NBEAL2: variants seen among roughly 807,000 people sequenced by gnomAD.
NBEAL2 encodes neurobeachin-like protein 2.
Under a neutral mutation model 299.8 loss-of-function variants are expected in NBEAL2, and 160 were observed. The observed-to-expected ratio is 0.53, with a 90% CI of 0.47 to 0.61. The LOEUF is 0.61. Ranked by LOEUF, NBEAL2 falls within the 20% of genes least tolerant of loss-of-function variation. NBEAL2 has a pLI of 0.00. For missense variants in NBEAL2, 3,112 were observed against 3,649.0 expected (o/e 0.85, Z 3.79); for synonymous variants, 1,493 against 1,542.3 (o/e 0.97, Z 0.75).
At position 47,004,627 on chromosome 3, in the gene NBEAL2, CT is replaced by C; in HGVS notation, c.6294+38del. On this transcript the variant is annotated intron_variant, in intron 38 of 53. Coordinates refer to ENST00000450053, the MANE Select transcript of NBEAL2 (RefSeq NM_015175.3). This position sits in a 1 kb window ranked among gnomAD's most constrained non-coding sequence, Gnocchi z 5.0. ...ACTCTGCACCCCTCCACCCCTGCCC[CT>C]CTGACCTGTCAGCCCTTGGTTCCCC... 6.3e-7 allele frequency: 1 copy of C among 1,591,074 alleles called. No individual in the cohort carries two copies. The highest frequency in any genetic ancestry group is 8.6e-7 in the Non-Finnish European group (1 of 1,159,880).
rs1307560883 is a variant in NBEAL2 at position 46,988,017 on chromosome 3, G to C, written c.52-652G>C. The C allele has an allele frequency of 1.6e-6, 2 of 1,279,220 alleles. No homozygotes were observed. The highest frequency in any genetic ancestry group is 2.0e-6 in the Non-Finnish European group (2 of 983,858). The allele number at this position is 1,279,220 out of a possible 1,614,324, so 79.2% of individuals were successfully genotyped here. A position where few individuals can be genotyped will look rare whatever the true frequency, so the allele number is the denominator to read the frequency against. On this transcript the variant is annotated intron_variant, in intron 1 of 53. Coordinates refer to ENST00000450053, the MANE Select transcript of NBEAL2 (RefSeq NM_015175.3). The surrounding 1 kb of genome is among the most constrained non-coding windows in gnomAD (Gnocchi z 4.4). Reference sequence around the variant, plus strand: ...ACCAAAGTTTTCCTGGCAGCGCCTAGACCTGGGCTTAGCCACTGCCCCTCT... The same window carrying C: ...ACCAAAGTTTTCCTGGCAGCGCCTACACCTGGGCTTAGCCACTGCCCCTCT...
chr3:46,994,711 G>A (rs1373359406), intron 12 of NBEAL2, among the ~76,000 whole-genome samples, 158 bp downstream of exon 12: 1 of 152,220 alleles, frequency 6.6e-6, no homozygotes, highest in Non-Finnish European at 1.5e-5. Flanking sequence ...TCACTGGAAT[G>A]AGGATTCTGG....
rs2037206840 is a variant in NBEAL2, at chr3:47,003,755, T to A, written c.5721-61T>A. 6.6e-7 allele frequency: 1 copy of A among 1,512,028 alleles called. No individual in the cohort carries two copies. Among genetic ancestry groups the A allele is most frequent in the African/African-American group, 1.4e-5 (1 of 72,304 alleles). The allele number at this position is 1,512,028 out of a possible 1,614,324, so 93.7% of individuals were successfully genotyped here. A position where few individuals can be genotyped will look rare whatever the true frequency, so the allele number is the denominator to read the frequency against. On this transcript the variant is annotated intron_variant, in intron 35 of 53. Coordinates refer to ENST00000450053, the MANE Select transcript of NBEAL2 (RefSeq NM_015175.3). The surrounding 1 kb of genome is among the most constrained non-coding windows in gnomAD (Gnocchi z 7.0). ...TGACTCAATGGCACTTGGATGCCCT[T>A]TGGGCTTGTGAAGAAGGGGGTCCCA...
Position 47,004,087 on chromosome 3 carries a change from T to C in NBEAL2, c.5892T>C (p.Tyr1964=), listed in dbSNP as rs758925807. 1.9e-6 allele frequency: 3 copies of C among 1,612,324 alleles called. No individual in the cohort carries two copies. The Admixed American group carries it at 5.0e-5, about 27-fold the overall frequency. Residue 1964 remains tyrosine (Y), a synonymous_variant, in exon 37 of 54, where the codon TAT becomes TAC. Transcript: ENST00000450053. The surrounding 1 kb of genome is among the most constrained non-coding windows in gnomAD (Gnocchi z 5.0). ...TGTTCCTCCCCATAGGCATCGGCTATGATTTCCGGCGCCCACTGGCCCAGC... is the reference window on the plus strand; with the variant it reads ...TGTTCCTCCCCATAGGCATCGGCTACGATTTCCGGCGCCCACTGGCCCAGC... ...ERVETEEGIG[Y]DFRRPLAQLR... is the part of the protein sequence containing the mutation.
intron 1 of NBEAL2, among the ~76,000 whole-genome samples, chr3:46,986,307 T>C (rs569527356): frequency 6.6e-5 from 10 of 152,236 alleles, no homozygotes; most frequent in Non-Finnish European, 1.3e-4. Flanking sequence ...CCCACCCCTG[T>C]GCTGGGAAGG....
Position 46,980,625 on chromosome 3 carries a change from G to C in NBEAL2, c.51+713G>C, listed in dbSNP as rs192688598. 2.2e-4 allele frequency among the ~76,000 whole-genome samples: 34 copies of C among 152,228 alleles called. 1 individual carries two copies. The highest frequency in any genetic ancestry group is 7.0e-4 in the African/African-American group (29 of 41,538). On this transcript the variant is annotated intron_variant, in intron 1 of 53. Transcript: ENST00000450053. ...CCCTGAGGGATGTCTGAAAAGGTTG[G>C]AGGGAGGCCCGTTCCTCCTGAGCTC...
At chr3:47,002,901 G>C (rs2037136841) in intron 33 of NBEAL2, 56 bp from the exon 34 acceptor site, 18 of 1,595,336 alleles carry the variant, frequency 1.1e-5, no homozygotes, top group Admixed American at 1.7e-5. Flanking sequence ...AGGCCAGGGA[G>C]GGATGGGGGT....
In NBEAL2 at chr3:47,009,671, T is replaced by G; in HGVS notation, c.*351T>G. 3 of 308,160 alleles carry G rather than the reference T, an allele frequency of 9.7e-6. No homozygotes were observed. Among genetic ancestry groups the G allele is most frequent in the East Asian group, 7.3e-5 (1 of 13,716 alleles). 19.1% of individuals were successfully genotyped at this position (308,160 alleles called of 1,614,324 possible). On this transcript the variant is annotated 3_prime_UTR_variant, in exon 54 of 54. Transcript: ENST00000450053. The stretch of plus-strand genomic sequence containing the variant: ...TCCTAACGGCGGCCCCGGTTCTCCC[T>G]TCTCGGCAATAAACCAGGCCTAGTT...
intron 26 of NBEAL2, 38 bp from the exon 27 acceptor site, chr3:46,999,851 G>A: frequency 1.9e-6 from 3 of 1,599,112 alleles, no homozygotes; most frequent in Non-Finnish European, 2.6e-6. Context: ...GGAGCAGGCA[G>A]TTGGATGCGT....
Position 47,002,739 on chromosome 3 carries a change from C to T in NBEAL2, c.5396C>T (p.Ala1799Val), listed in dbSNP as rs1295871567. 4 of 1,585,744 alleles carry T rather than the reference C, an allele frequency of 2.5e-6. No homozygotes were observed. The highest frequency in any genetic ancestry group is 3.4e-6 in the Non-Finnish European group (4 of 1,170,104). The change falls in exon 33 of 54, where the codon GCC (alanine) becomes GTC (valine). Residue 1799 changes from alanine (A) to valine (V), a missense_variant. By Grantham distance (64) the Ala-to-Val change is moderately conservative (BLOSUM62 0). Around this residue, in one of 3 missense-constraint regions of NBEAL2, gnomAD observed 2,243 missense variants for 2,538.1 expected, o/e 0.88. Coordinates refer to ENST00000450053, the MANE Select transcript of NBEAL2 (RefSeq NM_015175.3). ...LKQQATQHSM[A>V]LLHWGALWRQ... ...CAGCAGGCAACGCAGCACTCCATGG[C>T]CCTGCTGCACTGGGGGGCGCTGTGG...
Position 47,008,627 on chromosome 3 carries a change from G to A in NBEAL2, c.7986G>A (p.Leu2662=), listed in dbSNP as rs996862498. ...ALTVTEDFVL[L]GTAQCALHIL... ...CGGTGACAGAGGACTTTGTGTTGCT[G>A]GGCACCGCCCAGTGCGCCCTGCACA... The change falls in exon 52 of 54, where the codon CTG becomes CTA. Residue 2662 remains leucine (L), a synonymous_variant. Coordinates refer to ENST00000450053, the MANE Select transcript of NBEAL2 (RefSeq NM_015175.3). The A allele has an allele frequency of 4.3e-6, 7 of 1,613,370 alleles. No individual in the cohort carries two copies. The Admixed American group carries it at 1.2e-4, about 27-fold the overall frequency.
chr3:46,997,161 CAA>C, intron 18 of NBEAL2, 96 bp from the exon 19 acceptor site: 1 of 1,566,524 alleles, frequency 6.4e-7, no homozygotes, highest in East Asian at 2.3e-5. Flanking sequence ...CAGTCCAGCT[CAA>C]GAGAGCAAAA....
chr3:46,991,078 C>T lies in NBEAL2; in HGVS notation c.557-141C>T. 1.4e-6 allele frequency: 1 copy of T among 717,120 alleles called. No individual in the cohort carries two copies. The highest frequency in any genetic ancestry group is 2.4e-6 in the Non-Finnish European group (1 of 411,916). The allele number at this position is 717,120 out of a possible 1,614,324, so 44.4% of individuals were successfully genotyped here. ...TAGATGCCCCCCAGGGCAGAGCCAG[C>T]TCTTATCCCTCACACTGGATCTTTT... On this transcript the variant is annotated intron_variant, in intron 6 of 53. Coordinates refer to ENST00000450053, the MANE Select transcript of NBEAL2 (RefSeq NM_015175.3). This position sits in a 1 kb window ranked among gnomAD's most constrained non-coding sequence, Gnocchi z 6.2.
intron 1 of NBEAL2, chr3:46,987,982 T>C: frequency 1.6e-6 from 2 of 1,276,368 alleles, no homozygotes; most frequent in South Asian, 2.5e-5. Flanking sequence ...AGGAGACATT[T>C]CCCGTTCACA....
intron 45 of NBEAL2, 105 bp from the exon 46 acceptor site, chr3:47,006,961 A>C: frequency 1.1e-6 from 1 of 932,088 alleles, no homozygotes; most frequent in Non-Finnish European, 1.6e-6. Flanking sequence ...CACCTACTCT[A>C]TGACCCCTGG....
intron 32 of NBEAL2, 58 bp downstream of exon 32, chr3:47,002,578 C>G (rs183051885): frequency 6.2e-7 from 1 of 1,609,008 alleles, no homozygotes; most frequent in African/African-American, 1.3e-5. Context: ...CAGGAGATGA[C>G]TGACAATGTG....
chr3:47,000,386 G>T lies in NBEAL2; in HGVS notation c.4287G>T (p.Ser1429=). The change falls in exon 27 of 54, where the codon TCG becomes TCT. Residue 1429 remains serine, a synonymous_variant. Coordinates refer to ENST00000450053, the MANE Select transcript of NBEAL2 (RefSeq NM_015175.3). This position sits in a 1 kb window ranked among gnomAD's most constrained non-coding sequence, Gnocchi z 4.5. ...CCACCATTAGCGGGGATGATACCTCGAACACCAGCAACCCACAGGTGAGGT... is the reference window on the plus strand; with the variant it reads ...CCACCATTAGCGGGGATGATACCTCTAACACCAGCAACCCACAGGTGAGGT... ...PEPTISGDDT[S]NTSNPQQTSE... The T allele has an allele frequency of 6.3e-7, 1 of 1,575,304 alleles. No homozygotes were observed. Among genetic ancestry groups the T allele is most frequent in the South Asian group, 1.2e-5 (1 of 84,774 alleles).
At position 47,003,274 on chromosome 3, in the gene NBEAL2, G is replaced by T; in HGVS notation, c.5685G>T (p.Gln1895His). The change falls in exon 35 of 54, where the codon CAG (glutamine) becomes CAT (histidine). Residue 1895 changes from glutamine (Q) to histidine (H), a missense_variant. Around this residue, in one of 3 missense-constraint regions of NBEAL2, gnomAD observed 2,243 missense variants for 2,538.1 expected, o/e 0.88. Transcript: ENST00000450053. The surrounding 1 kb of genome is among the most constrained non-coding windows in gnomAD (Gnocchi z 7.0). ...STPPELLQED[Q>H]LGEDELAELE... Reference sequence around the variant, plus strand: ...CACCCGAGTTGCTGCAGGAGGACCAGCTCGGCGAGGACGAGCTGGCTGAGC... The same window carrying T: ...CACCCGAGTTGCTGCAGGAGGACCATCTCGGCGAGGACGAGCTGGCTGAGC... 6.2e-7 allele frequency: 1 copy of T among 1,613,060 alleles called. No homozygotes were observed. Among genetic ancestry groups the T allele is most frequent in the South Asian group, 1.1e-5 (1 of 91,080 alleles).
Position 46,988,008 on chromosome 3 carries a change from CA to C in NBEAL2, c.52-660del, listed in dbSNP as rs2035796177. On this transcript the variant is annotated intron_variant, in intron 1 of 53. Coordinates refer to ENST00000450053, the MANE Select transcript of NBEAL2 (RefSeq NM_015175.3). The surrounding 1 kb of genome is among the most constrained non-coding windows in gnomAD (Gnocchi z 4.4). ...CCCGTTCACACCAAAGTTTTCCTGG[CA>C]GCGCCTAGACCTGGGCTTAGCCACT... 7.8e-7 allele frequency: 1 copy of C among 1,277,924 alleles called. No individual in the cohort carries two copies. Among genetic ancestry groups the C allele is most frequent in the Admixed American group, 2.4e-5 (1 of 42,528 alleles). The allele number at this position is 1,277,924 out of a possible 1,614,324, so 79.2% of individuals were successfully genotyped here.
Sources: allele counts gnomAD v4.1 joint callset (sites outside exome capture counted in the v4.1 genomes callset), GRCh38; gene constraint gnomAD v4.1.1; regional missense constraint gnomAD v4.1.1; non-coding constraint Gnocchi (gnomAD v3.1); transcripts MANE v1.5; gene names NCBI Gene and HGNC (gene_info 2026-07-23, HGNC 2026-07-21).